The following SLCO1B1 variants were observed in gnomAD, a reference collection of about 807,000 sequenced individuals.
The protein encoded by SLCO1B1 is solute carrier organic anion transporter family member 1B1, also known as OATP-2.
SLCO1B1 carries 81 observed loss-of-function variants against 70.1 expected under a neutral mutation model. The ratio of observed to expected loss-of-function variants is 1.16; its 90% CI spans 0.97 to 1.39. The LOEUF (loss-of-function observed/expected upper bound fraction) is 1.39. Ranked by LOEUF, SLCO1B1 falls within the 40% of genes most tolerant of loss-of-function variation. The pLI is 0.00. For missense variants in SLCO1B1, 895 were observed against 799.6 expected (o/e 1.12, Z -1.44); for synonymous variants, 283 against 271.5 (o/e 1.04, Z -0.42).
chr12:21,133,917 C>G (rs1940177643), intron 1 of SLCO1B1, among the ~76,000 whole-genome samples: 1 of 152,160 alleles, frequency 6.6e-6, no homozygotes, highest in African/African-American at 2.4e-5. Context: ...TGCCCGTTTT[C>G]AAAGGGAATG....
intron 1 of SLCO1B1, among the ~76,000 whole-genome samples, chr12:21,140,706 G>A (rs188782845): frequency 5.9e-5 from 9 of 152,034 alleles, no homozygotes; most frequent in Middle Eastern, 3.4e-3. Context: ...ATATAGAGAA[G>A]ATAAAAAGGT....
intron 11 of SLCO1B1, among the ~76,000 whole-genome samples, chr12:21,215,843 C>T (rs1433573114): frequency 1.3e-5 from 2 of 152,000 alleles, no homozygotes; most frequent in Admixed American, 6.6e-5. Flanking sequence ...TGGTCTAGGG[C>T]TTTTATTGAT....
At position 21,224,819 on chromosome 12, in the gene SLCO1B1, A is replaced by G. The variant is rs1225587105; in HGVS notation, c.1845A>G (p.Thr615=). 6.3e-7 allele frequency: 1 copy of G among 1,591,054 alleles called. No individual in the cohort carries two copies. Among genetic ancestry groups the G allele is most frequent in the Non-Finnish European group, 8.6e-7 (1 of 1,162,732 alleles). The change falls in exon 14 of 15, where the codon ACA becomes ACG. Residue 615 remains threonine (T), a synonymous_variant. Coordinates refer to ENST00000256958, the MANE Select transcript of SLCO1B1 (RefSeq NM_006446.5). ...NNCGTRGSCR[T]YNSTSFSRVY... ...GTGGCACACGTGGGTCATGTAGGAC[A>G]TATAATTCCACATCATTTTCGTAAG...
chr12:21,157,595 G>C (rs1278897487), intron 2 of SLCO1B1, among the ~76,000 whole-genome samples: 1 of 145,952 alleles, frequency 6.9e-6, no homozygotes, highest in Middle Eastern at 3.4e-3. Context: ...AATTAAGACT[G>C]TAAAATTTTT....
intron 2 of SLCO1B1, among the ~76,000 whole-genome samples, chr12:21,164,584 A>G (rs1392734860): frequency 6.6e-6 from 1 of 152,142 alleles, no homozygotes; most frequent in East Asian, 1.9e-4. Context: ...GTTATGTAAC[A>G]TTTTAAAGTG....
chr12:21,191,130 G>T (rs1438189276), intron 7 of SLCO1B1, among the ~76,000 whole-genome samples: 1 of 151,634 alleles, frequency 6.6e-6, no homozygotes, highest in Non-Finnish European at 1.5e-5. Context: ...TGTCCTTCTT[G>T]GTTCCATATG....
rs1249670411 is a variant in SLCO1B1, at chr12:21,148,385, A to G, written c.84+6727A>G. ...TAATCCATCTTGAGTTAATTTTTGAATAAGGTGTAAGAAAGGGGTCCAGTT... is the reference window on the plus strand; with the variant it reads ...TAATCCATCTTGAGTTAATTTTTGAGTAAGGTGTAAGAAAGGGGTCCAGTT... On this transcript the variant is annotated intron_variant, in intron 2 of 14. Coordinates refer to ENST00000256958, the MANE Select transcript of SLCO1B1 (RefSeq NM_006446.5). Among the ~76,000 whole-genome samples, 9 of 151,298 alleles carry G rather than the reference A, an allele frequency of 5.9e-5. 1 individual carries two copies. The highest frequency in any genetic ancestry group is 5.9e-4 in the Admixed American group (9 of 15,242).
At chr12:21,155,291 AC>A (rs1184784524) in intron 2 of SLCO1B1, among the ~76,000 whole-genome samples, 1 of 151,934 alleles carries the variant, frequency 6.6e-6, no homozygotes, top group East Asian at 1.9e-4. Flanking sequence ...AAATGAAATA[AC>A]CAATTTTATT....
intron 3 of SLCO1B1, among the ~76,000 whole-genome samples, chr12:21,173,100 G>A (rs773137300): frequency 1.4e-4 from 22 of 152,104 alleles, no homozygotes; most frequent in Non-Finnish European, 3.1e-4. Context: ...GCAAACTAAC[G>A]CCATGTCATA....
chr12:21,238,933 A>G lies in SLCO1B1; in HGVS notation c.1866-46A>G, dbSNP rs778352784. ...TGGAGAAAATGTTTTAAGTTATTAC[A>G]CACAATTTAAACTGATTTATTGTTT... On this transcript the variant is annotated intron_variant, in intron 14 of 14. Coordinates refer to ENST00000256958, the MANE Select transcript of SLCO1B1 (RefSeq NM_006446.5). 4.2e-6 allele frequency: 5 copies of G among 1,193,110 alleles called. 1 individual carries two copies. The South Asian group carries it at 5.5e-5, about 13-fold the overall frequency. 73.9% of individuals were successfully genotyped at this position (1,193,110 alleles called of 1,614,324 possible).
intron 6 of SLCO1B1, 77 bp downstream of exon 6, chr12:21,178,799 A>C (rs1460427423): frequency 2.8e-6 from 4 of 1,428,370 alleles, no homozygotes; most frequent in Non-Finnish European, 9.9e-7. Flanking sequence ...TACTAAACTT[A>C]TTATTTTACC....
At chr12:21,208,535 G>T (rs931472189) in intron 11 of SLCO1B1, among the ~76,000 whole-genome samples, 2 of 152,004 alleles carry the variant, frequency 1.3e-5, no homozygotes, top group African/African-American at 2.4e-5. Flanking sequence ...CTGTGGCCTT[G>T]CAGTATAGTT....
chr12:21,216,915 A>G (rs1013438510), intron 11 of SLCO1B1, among the ~76,000 whole-genome samples: 4 of 152,202 alleles, frequency 2.6e-5, no homozygotes, highest in African/African-American at 9.6e-5. Flanking sequence ...AATGTCAATC[A>G]TGAATTACAT....
At chr12:21,141,832 G>C (rs1327025247) in intron 2 of SLCO1B1, among the ~76,000 whole-genome samples, 174 bp downstream of exon 2, 2 of 151,776 alleles carry the variant, frequency 1.3e-5, no homozygotes, top group African/African-American at 4.8e-5. Flanking sequence ...CTTTTAATCT[G>C]ATTAAGTATT....
At chr12:21,226,151 A>G (rs990472650) in intron 14 of SLCO1B1, among the ~76,000 whole-genome samples, 5 of 152,210 alleles carry the variant, frequency 3.3e-5, no homozygotes, top group Non-Finnish European at 7.3e-5. Flanking sequence ...GCAGTGGCCC[A>G]TGCCTGTAAT....
intron 1 of SLCO1B1, among the ~76,000 whole-genome samples, chr12:21,137,639 G>A (rs546651283): frequency 3.9e-5 from 6 of 152,198 alleles, no homozygotes; most frequent in Non-Finnish European, 8.8e-5. Context: ...CTCCAAGCCA[G>A]GTGCAGGATA....
intron 12 of SLCO1B1, among the ~76,000 whole-genome samples, chr12:21,222,009 T>A (rs944069485): frequency 1.3e-5 from 2 of 152,068 alleles, no homozygotes; most frequent in Admixed American, 6.6e-5. Context: ...TTCAGAGGCA[T>A]AATAAAGTCT....
chr12:21,147,830 AG>A (rs1232069216), intron 2 of SLCO1B1, among the ~76,000 whole-genome samples: 1 of 152,206 alleles, frequency 6.6e-6, no homozygotes, highest in Non-Finnish European at 1.5e-5. Flanking sequence ...TCCCACCAAC[AG>A]GGTAAAAGCA....
intron 7 of SLCO1B1, among the ~76,000 whole-genome samples, chr12:21,192,110 A>G (rs1466436107): frequency 6.6e-6 from 1 of 151,962 alleles, no homozygotes; most frequent in East Asian, 1.9e-4. Context: ...TGGTATCAGA[A>G]TAATGCTGGC....
Sources: gnomAD v4.1 joint callset for allele counts (sites outside exome capture counted in the v4.1 genomes callset) on GRCh38, gnomAD v4.1.1 for gene constraint, MANE v1.5 for transcripts, NCBI Gene and HGNC (gene_info 2026-07-23, HGNC 2026-07-21) for gene names.